Variants in ZRANB3 observed in about 807,000 individuals in gnomAD.
ZRANB3 encodes DNA annealing helicase and endonuclease ZRANB3.
In ZRANB3, 125 loss-of-function variants were observed where a neutral mutation model predicts 133.8. That is an observed-to-expected ratio of 0.93 (90% CI 0.81 to 1.08). The LOEUF is 1.08. Among genes scored for constraint, ZRANB3 ranks in the 50% least tolerant of loss-of-function variants. The pLI, the probability that ZRANB3 is intolerant of heterozygous loss-of-function variation, is 0.00. For missense variants in ZRANB3, 1,229 were observed against 1,275.5 expected, an observed-to-expected ratio of 0.96 and a Z score of 0.56; for synonymous variants, 387 against 432.7, an observed-to-expected ratio of 0.89 and a Z score of 1.31.
intron 2 of ZRANB3, among the ~76,000 whole-genome samples, chr2:135,484,020 C>T (rs982350177): frequency 2.0e-5 from 3 of 152,080 alleles, no homozygotes; most frequent in African/African-American, 7.2e-5. Context: ...CTGAGAAGAG[C>T]TTTACTTCCA....
chr2:135,508,432 T>C (rs1437192891), intron 1 of ZRANB3, among the ~76,000 whole-genome samples: 2 of 152,296 alleles, frequency 1.3e-5, no homozygotes, highest in East Asian at 1.9e-4. Context: ...CCACCGCACC[T>C]GGCCAAGGCA....
chr2:135,230,663 T>C lies in ZRANB3; in HGVS notation c.1804A>G (p.Thr602Ala). 3 of 1,613,576 alleles carry C rather than the reference T, an allele frequency of 1.9e-6. No homozygotes were observed. Among genetic ancestry groups the C allele is most frequent in the Non-Finnish European group, 2.5e-6 (3 of 1,179,782 alleles). The change falls in exon 13 of 21, where the codon ACT (threonine) becomes GCT (alanine). Residue 602 changes from threonine to alanine, a missense_variant. By Grantham distance (58) the Thr-to-Ala change is moderately conservative (BLOSUM62 0). Transcript: ENST00000264159. ...TCCTGTACACTTTCCACGAGTGGAG[T>C]TCGGATTTGCTTGGACTGGGATGGT... is the stretch of plus-strand genomic sequence containing the variant. Reference protein sequence around the residue: ...ETPSQSKQIRTPLVESVQEAK... With the variant: ...ETPSQSKQIRAPLVESVQEAK...
chr2:135,301,869 G>C (rs758859146), intron 8 of ZRANB3, among the ~76,000 whole-genome samples: 1 of 152,120 alleles, frequency 6.6e-6, no homozygotes, highest in African/African-American at 2.4e-5. Context: ...CAAGTTCCTT[G>C]AGAGGAAGAC....
chr2:135,292,215 G>C (rs991952826), intron 8 of ZRANB3, among the ~76,000 whole-genome samples: 2 of 152,182 alleles, frequency 1.3e-5, no homozygotes, highest in African/African-American at 4.8e-5. Flanking sequence ...CCCACCAACA[G>C]TGTAAAAGTG....
intron 6 of ZRANB3, among the ~76,000 whole-genome samples, chr2:135,316,208 AGAAAGGAAG>A (rs1683244793): frequency 6.6e-6 from 1 of 152,236 alleles, no homozygotes; most frequent in South Asian, 2.1e-4. Flanking sequence ...ACTTGGCAAA[AGAAAGGAAG>A]CGATAACTTA....
At chr2:135,508,565 G>C (rs1349054969) in intron 1 of ZRANB3, among the ~76,000 whole-genome samples, 7 of 152,044 alleles carry the variant, frequency 4.6e-5, no homozygotes. Flanking sequence ...TTATGAAAAT[G>C]TACAGAAAAA....
At chr2:135,233,499 A>G (rs1695131021) in intron 12 of ZRANB3, among the ~76,000 whole-genome samples, 1 of 152,214 alleles carries the variant, frequency 6.6e-6, no homozygotes, top group Non-Finnish European at 1.5e-5. Context: ...CGTCAGATTC[A>G]CCAAAGTTGA....
At chr2:135,343,010 C>CAAAAAAAAAA (rs11435525) in intron 6 of ZRANB3, among the ~76,000 whole-genome samples, 8 of 55,210 alleles carry the variant, frequency 1.4e-4, no homozygotes, top group African/African-American at 2.6e-4. Flanking sequence ...ACTAAAAATC[C>CAAAAAAAAAA]AAAAAAAAAA....
At chr2:135,395,181 G>A (rs981325592) in intron 2 of ZRANB3, among the ~76,000 whole-genome samples, 6 of 151,908 alleles carry the variant, frequency 3.9e-5, no homozygotes, top group Admixed American at 6.6e-5. Flanking sequence ...ATAGAGAACC[G>A]AGAAACAAAT....
chr2:135,278,384 G>T (rs185849691), intron 8 of ZRANB3, among the ~76,000 whole-genome samples: 1 of 152,260 alleles, frequency 6.6e-6, no homozygotes, highest in East Asian at 1.9e-4. Context: ...TTTCAAATAT[G>T]CAAGGAATGC....
intron 2 of ZRANB3, among the ~76,000 whole-genome samples, chr2:135,430,073 G>A (rs1337815482): frequency 1.3e-5 from 2 of 151,984 alleles, no homozygotes; most frequent in Non-Finnish European, 1.5e-5. Context: ...CTACTTGGGC[G>A]GCTGGGGTGG....
intron 2 of ZRANB3, among the ~76,000 whole-genome samples, chr2:135,427,553 A>T (rs1023447060): frequency 6.6e-6 from 1 of 152,164 alleles, no homozygotes; most frequent in African/African-American, 2.4e-5. Flanking sequence ...CTGCTCAAAG[A>T]AAACAAGCAA....
rs896241543 is a variant in ZRANB3, at chr2:135,248,627, C to T, written c.1539+16907G>A. On this transcript the variant is annotated intron_variant, in intron 12 of 20. Transcript: ENST00000264159. ...TTCCATTAAAAAGTGGGCGAAGGGC[C>T]TGGCATGTTGGCTCATGGCTATAAT... 1.2e-4 allele frequency among the ~76,000 whole-genome samples: 19 copies of T among 152,102 alleles called. 1 individual carries two copies. Among genetic ancestry groups the T allele is most frequent in the African/African-American group, 3.9e-4 (16 of 41,420 alleles).
chr2:135,323,558 G>C (rs770307786), intron 6 of ZRANB3, among the ~76,000 whole-genome samples: 6 of 152,056 alleles, frequency 3.9e-5, no homozygotes, highest in Admixed American at 6.6e-5. Flanking sequence ...TCTGAAAGTG[G>C]AATAAAGGTA....
At chr2:135,293,313 CCTTT>C (rs1388711067) in intron 8 of ZRANB3, among the ~76,000 whole-genome samples, 1 of 151,882 alleles carries the variant, frequency 6.6e-6, no homozygotes, top group Non-Finnish European at 1.5e-5. Context: ...TCCTTCACTT[CCTTT>C]CTAAGTTGGA....
At chr2:135,310,858 A>T (rs745588786) in intron 8 of ZRANB3, among the ~76,000 whole-genome samples, 1 of 152,088 alleles carries the variant, frequency 6.6e-6, no homozygotes, top group Non-Finnish European at 1.5e-5. Context: ...TTGATTAAGT[A>T]GCACATGACT....
chr2:135,327,725 G>GCTT (rs912097656), intron 6 of ZRANB3, among the ~76,000 whole-genome samples: 1 of 152,038 alleles, frequency 6.6e-6, no homozygotes, highest in Non-Finnish European at 1.5e-5. Context: ...TCCAAATACA[G>GCTT]CTTCCTCATC....
chr2:135,385,893 A>G (rs1036172208), intron 3 of ZRANB3, among the ~76,000 whole-genome samples: 1 of 152,206 alleles, frequency 6.6e-6, no homozygotes, highest in Non-Finnish European at 1.5e-5. Flanking sequence ...AAAACCCTAG[A>G]AGAAAACCTA....
intron 3 of ZRANB3, among the ~76,000 whole-genome samples, chr2:135,384,763 T>C (rs1490546598): frequency 6.6e-6 from 1 of 152,196 alleles, no homozygotes; most frequent in East Asian, 1.9e-4. Context: ...TCTCAATAGA[T>C]GCAGAAAAGG....
Sources: allele counts gnomAD v4.1 joint callset (sites outside exome capture counted in the v4.1 genomes callset), GRCh38; gene constraint gnomAD v4.1.1; transcripts MANE v1.5; gene names NCBI Gene and HGNC (gene_info 2026-07-23, HGNC 2026-07-21).